The following SCN4B variants were observed in gnomAD, a reference collection of about 807,000 sequenced individuals.
The protein encoded by SCN4B is sodium voltage-gated channel beta subunit 4.
Under a neutral mutation model 19.6 loss-of-function variants are expected in SCN4B, and 20 were observed. The observed-to-expected ratio is 1.02, with a 90% CI of 0.72 to 1.48. The LOEUF is 1.48. SCN4B is among the 40% of genes most tolerant of loss of function. The pLI is 0.00. For synonymous variants in SCN4B, 127 were observed against 122.8 expected, an observed-to-expected ratio of 1.03 and a Z score of -0.22; for missense variants, 271 against 287.5, an observed-to-expected ratio of 0.94 and a Z score of 0.42.
chr11:118,151,576 T>C (rs1357545722), intron 1 of SCN4B, among the ~76,000 whole-genome samples: 1 of 152,166 alleles, frequency 6.6e-6, no homozygotes, highest in Non-Finnish European at 1.5e-5. Context: ...GGCACCAACC[T>C]GCTAGATCTG....
chr11:118,143,178 A>C (rs1948121503), intron 3 of SCN4B, among the ~76,000 whole-genome samples: 1 of 152,050 alleles, frequency 6.6e-6, no homozygotes, highest in Non-Finnish European at 1.5e-5. Context: ...TCCTTCTCTA[A>C]CCACACCAGG....
chr11:118,141,429 C>T (rs1203814772), intron 3 of SCN4B, 93 bp from the exon 4 acceptor site: 137 of 1,499,640 alleles, frequency 9.1e-5, no homozygotes, highest in Non-Finnish European at 1.2e-4. Context: ...GGCCATGTAG[C>T]CTCCACCCCC....
rs141655543 is a variant in SCN4B, at chr11:118,138,420, A to G, written c.594-1300T>C. Among the ~76,000 whole-genome samples the G allele has an allele frequency of 1.4e-3, 209 of 152,306 alleles. 1 individual carries two copies. The highest frequency in any genetic ancestry group is 4.8e-3 in the African/African-American group (201 of 41,548). On this transcript the variant is annotated intron_variant, in intron 4 of 4. Coordinates refer to ENST00000324727, the MANE Select transcript of SCN4B (RefSeq NM_174934.4). ...CCCTAGTGTACTTCAAATGTTAGTA[A>G]TAACAATGAACAGGTGGAGCCCTGT...
intron 4 of SCN4B, among the ~76,000 whole-genome samples, chr11:118,138,203 C>T (rs1489448398): frequency 5.3e-5 from 8 of 152,192 alleles, no homozygotes; most frequent in Admixed American, 5.2e-4. Flanking sequence ...GCTGCTACAG[C>T]CAAACTACAT....
At position 118,136,462 on chromosome 11, in the gene SCN4B, G is replaced by A. The variant is rs1405216063; in HGVS notation, c.*565C>T. On this transcript the variant is annotated 3_prime_UTR_variant, in exon 5 of 5. Coordinates refer to ENST00000324727, the MANE Select transcript of SCN4B (RefSeq NM_174934.4). The stretch of plus-strand genomic sequence containing the variant: ...AGGGTCCCGGGGCAGGGGAAAGGAA[G>A]TTTCCTACTTGGAAGACTGTGGGGG... The A allele has an allele frequency of 6.6e-6, 3 of 453,792 alleles. No homozygotes were observed. The allele number at this position is 453,792 out of a possible 1,614,324, so 28.1% of individuals were successfully genotyped here.
At chr11:118,145,399 C>T in intron 1 of SCN4B, 170 bp from the exon 2 acceptor site, 1 of 1,526,068 alleles carries the variant, frequency 6.6e-7, no homozygotes, top group Non-Finnish European at 8.8e-7. Flanking sequence ...CTGGGCCACC[C>T]TCCATCATTC....
At chr11:118,152,301 A>T (rs1204895655) in intron 1 of SCN4B, among the ~76,000 whole-genome samples, 1 of 152,114 alleles carries the variant, frequency 6.6e-6, no homozygotes, top group Non-Finnish European at 1.5e-5. Context: ...AGCATCCTGA[A>T]CCTCTGAACT....
rs1327075726 is a variant in SCN4B, at chr11:118,136,264, G to A, written c.*763C>T. On this transcript the variant is annotated 3_prime_UTR_variant, in exon 5 of 5. Transcript: ENST00000324727. ...TTCCCCAAGTAGAAATGCTTGGAAAGGCATAGGGAGCACTCGGGTACTCCA... is the reference window on the plus strand; with the variant it reads ...TTCCCCAAGTAGAAATGCTTGGAAAAGCATAGGGAGCACTCGGGTACTCCA... 2.2e-6 allele frequency: 1 copy of A among 453,748 alleles called. No homozygotes were observed. Among genetic ancestry groups the A allele is most frequent in the Non-Finnish European group, 4.4e-6 (1 of 226,710 alleles). The allele number at this position is 453,748 out of a possible 1,614,324, so 28.1% of individuals were successfully genotyped here. A position where few individuals can be genotyped will look rare whatever the true frequency, so the allele number is the denominator to read the frequency against.
In SCN4B at chr11:118,135,169, C is replaced by G. The variant is rs1247911017; in HGVS notation, c.*1858G>C. On this transcript the variant is annotated 3_prime_UTR_variant, in exon 5 of 5. Transcript: ENST00000324727. ...CCCAAAGCCAGGAAAATCTGAGCCCCAGCCCATGACAGGTTCTGGGTAGAG... is the reference window on the plus strand; with the variant it reads ...CCCAAAGCCAGGAAAATCTGAGCCCGAGCCCATGACAGGTTCTGGGTAGAG... 2.2e-6 allele frequency: 1 copy of G among 454,142 alleles called. No individual in the cohort carries two copies. Among genetic ancestry groups the G allele is most frequent in the Non-Finnish European group, 4.4e-6 (1 of 226,802 alleles). 28.1% of individuals were successfully genotyped at this position (454,142 alleles called of 1,614,324 possible).
chr11:118,133,585 T>C lies in SCN4B; in HGVS notation c.*3442A>G, dbSNP rs1947947685. 2.2e-6 allele frequency: 1 copy of C among 454,468 alleles called. No homozygotes were observed. The highest frequency in any genetic ancestry group is 4.4e-6 in the Non-Finnish European group (1 of 226,796). The allele number at this position is 454,468 out of a possible 1,614,324, so 28.2% of individuals were successfully genotyped here. ...TTGCATCATTTGATCTATAGTTACA[T>C]AGGAAAATTGACTATGGGTATTGTT... On this transcript the variant is annotated 3_prime_UTR_variant, in exon 5 of 5. Coordinates refer to ENST00000324727, the MANE Select transcript of SCN4B (RefSeq NM_174934.4).
rs1318236635 is a variant in SCN4B at position 118,143,984 on chromosome 11, T to C, written c.312A>G (p.Val104=). The change falls in exon 3 of 5, where the codon GTA becomes GTG. Residue 104 remains valine (V), a synonymous_variant. Transcript: ENST00000324727. ...TLKDDDRITL[V]GSTKEKMNNI... Reference sequence around the variant, plus strand: ...TGTTCATCTTCTCCTTAGTAGAGCCTACCAGAGTGATGCGGTCATCGTCTT... The same window carrying C: ...TGTTCATCTTCTCCTTAGTAGAGCCCACCAGAGTGATGCGGTCATCGTCTT... The C allele has an allele frequency of 2.5e-6, 4 of 1,614,044 alleles. No individual in the cohort carries two copies. In the African/African-American group the frequency reaches 5.3e-5, roughly 22 times the overall value.
At position 118,138,281 on chromosome 11, in the gene SCN4B, C is replaced by T. The variant is rs573255866; in HGVS notation, c.594-1161G>A. Among the ~76,000 whole-genome samples the T allele has an allele frequency of 3.9e-5, 6 of 152,318 alleles. No homozygotes were observed. The East Asian group carries it at 1.2e-3, about 29-fold the overall frequency. Reference sequence around the variant, plus strand: ...TGGGAAGGACTGAATATTTTGTCCTCATTAATTTCATCTTGCAATACCTAG... The same window carrying T: ...TGGGAAGGACTGAATATTTTGTCCTTATTAATTTCATCTTGCAATACCTAG... On this transcript the variant is annotated intron_variant, in intron 4 of 4. Coordinates refer to ENST00000324727, the MANE Select transcript of SCN4B (RefSeq NM_174934.4).
In SCN4B at chr11:118,134,553, C is replaced by A. The variant is rs1404642589; in HGVS notation, c.*2474G>T. ...CACGCATGGGGGCAACCAAAAATGC[C>A]CCCCCTACAATCTCAGTCACCTCTA... On this transcript the variant is annotated 3_prime_UTR_variant, in exon 5 of 5. Transcript: ENST00000324727. 60 of 453,876 alleles carry A rather than the reference C, an allele frequency of 1.3e-4. No homozygotes were observed. Among genetic ancestry groups the A allele is most frequent in the Non-Finnish European group, 1.3e-5 (3 of 226,772 alleles). The allele number at this position is 453,876 out of a possible 1,614,324, so 28.1% of individuals were successfully genotyped here.
In SCN4B at chr11:118,136,430, G is replaced by C. The variant is rs866880037; in HGVS notation, c.*597C>G. The C allele has an allele frequency of 2.2e-6, 1 of 453,702 alleles. No homozygotes were observed. Among genetic ancestry groups the C allele is most frequent in the East Asian group, 7.0e-5 (1 of 14,342 alleles). The allele number at this position is 453,702 out of a possible 1,614,324, so 28.1% of individuals were successfully genotyped here. A position where few individuals can be genotyped will look rare whatever the true frequency, so the allele number is the denominator to read the frequency against. On this transcript the variant is annotated 3_prime_UTR_variant, in exon 5 of 5. Transcript: ENST00000324727. ...AAAACTCTGAGCAGGGGAGGGGATA[G>C]GCAGATAGGGTCCCGGGGCAGGGGA...
chr11:118,138,975 AC>A (rs1465923287), intron 4 of SCN4B, among the ~76,000 whole-genome samples: 2 of 152,028 alleles, frequency 1.3e-5, no homozygotes, highest in East Asian at 3.9e-4. Context: ...AGGCTTCCCT[AC>A]GGTCTGTCCC....
chr11:118,141,109 G>T, intron 4 of SCN4B, 98 bp downstream of exon 4: 1 of 1,371,692 alleles, frequency 7.3e-7, no homozygotes, highest in South Asian at 1.2e-5. Context: ...TGGGAATGGG[G>T]GGAAGGAGGA....
chr11:118,145,281 T>C (rs539981646), intron 1 of SCN4B, 52 bp from the exon 2 acceptor site: 4 of 1,611,412 alleles, frequency 2.5e-6, no homozygotes, highest in Non-Finnish European at 2.5e-6. Flanking sequence ...CCTGGAGCTC[T>C]GGAAGGGGAT....
Position 118,136,268 on chromosome 11 carries a change from T to C in SCN4B, c.*759A>G, listed in dbSNP as rs1948003383. On this transcript the variant is annotated 3_prime_UTR_variant, in exon 5 of 5. Coordinates refer to ENST00000324727, the MANE Select transcript of SCN4B (RefSeq NM_174934.4). The stretch of plus-strand genomic sequence containing the variant: ...CCAAGTAGAAATGCTTGGAAAGGCA[T>C]AGGGAGCACTCGGGTACTCCAGGAA... 2.2e-6 allele frequency: 1 copy of C among 453,620 alleles called. No homozygotes were observed. 28.1% of individuals were successfully genotyped at this position (453,620 alleles called of 1,614,324 possible). A position where few individuals can be genotyped will look rare whatever the true frequency, so the allele number is the denominator to read the frequency against.
At chr11:118,146,588 G>C (rs1267250978) in intron 1 of SCN4B, among the ~76,000 whole-genome samples, 3 of 152,220 alleles carry the variant, frequency 2.0e-5, no homozygotes. Flanking sequence ...TCCAAGGACA[G>C]CAGGCAGCCC....
Sources: allele counts gnomAD v4.1 joint callset (sites outside exome capture counted in the v4.1 genomes callset), GRCh38; gene constraint gnomAD v4.1.1; transcripts MANE v1.5; gene names NCBI Gene and HGNC (gene_info 2026-07-23, HGNC 2026-07-21).